The following PTK2 variants were observed in gnomAD, a reference collection of about 807,000 sequenced individuals.
PTK2 encodes the protein focal adhesion kinase 1.
PTK2 carries 45 observed loss-of-function variants against 150.1 expected under a neutral mutation model. The ratio of observed to expected loss-of-function variants is 0.30; its 90% CI spans 0.24 to 0.38. PTK2 has a LOEUF of 0.38. Ranked by LOEUF, PTK2 falls within the 10% of genes least tolerant of loss-of-function variation. PTK2 has a pLI of 1.00. For missense variants in PTK2, 919 were observed against 1,307.3 expected (o/e 0.70, Z 4.58); for synonymous variants, 432 against 449.2 (o/e 0.96, Z 0.48).
intron 2 of PTK2, among the ~76,000 whole-genome samples, chr8:140,920,282 T>C (rs186066099): frequency 2.6e-5 from 4 of 152,258 alleles, no homozygotes; most frequent in Admixed American, 2.6e-4. Context: ...TGCTATTATT[T>C]TATATTTACA....
At chr8:140,968,326 A>G (rs1404556147) in intron 1 of PTK2, among the ~76,000 whole-genome samples, 1 of 152,240 alleles carries the variant, frequency 6.6e-6, no homozygotes, top group Non-Finnish European at 1.5e-5. Context: ...AAATTCCCAC[A>G]GTAGAAATAA....
exon 17 of PTK2, chr8:140,752,314 C>G: frequency 6.2e-7 from 1 of 1,613,680 alleles, no homozygotes; most frequent in Non-Finnish European, 8.5e-7. Context: ...AAGCTGGATT[C>G]TCCTGTGTTA....
intron 22 of PTK2, among the ~76,000 whole-genome samples, chr8:140,725,099 T>TA (rs1448397788): frequency 7.9e-5 from 12 of 152,276 alleles, no homozygotes; most frequent in Admixed American, 7.2e-4. Flanking sequence ...AAATTATTTT[T>TA]AAAAAAACCC....
intron 1 of PTK2, among the ~76,000 whole-genome samples, chr8:140,955,409 C>T (rs929266627): frequency 6.6e-6 from 1 of 152,180 alleles, no homozygotes; most frequent in Non-Finnish European, 1.5e-5. Flanking sequence ...CGCTTTCTGC[C>T]ATGATTGTAA....
intron 5 of PTK2, among the ~76,000 whole-genome samples, chr8:140,851,526 T>C (rs543116400): frequency 6.6e-5 from 10 of 152,302 alleles, no homozygotes; most frequent in Non-Finnish European, 1.0e-4. Flanking sequence ...CTTTTTGTTG[T>C]CCATTTATAA....
At chr8:140,715,159 T>G (rs1374893290) in intron 23 of PTK2, among the ~76,000 whole-genome samples, 3 of 7,260 alleles carry the variant, frequency 4.1e-4, no homozygotes, top group Non-Finnish European at 1.2e-3. Context: ...AAAACCGTTT[T>G]TTTTTTTTTT....
At chr8:140,729,331 T>C (rs1038486772) in intron 22 of PTK2, among the ~76,000 whole-genome samples, 11 of 152,122 alleles carry the variant, frequency 7.2e-5, no homozygotes, top group Non-Finnish European at 1.5e-4. Context: ...CCCAGCAGGC[T>C]CTCTGGATGA....
intron 2 of PTK2, among the ~76,000 whole-genome samples, chr8:140,900,805 T>C (rs1319032785): frequency 6.6e-6 from 1 of 152,104 alleles, no homozygotes; most frequent in East Asian, 1.9e-4. Flanking sequence ...TTGGAAAAAT[T>C]AATATTGTTA....
At position 140,992,809 on chromosome 8, in the gene PTK2, T is replaced by A. The variant is rs574423305; in HGVS notation, c.-122+8316A>T. On this transcript the variant is annotated intron_variant, in intron 1 of 31. Coordinates refer to ENST00000522684, the Ensembl canonical transcript of PTK2. ...GAACTGTCACTTTCAAAATGTTTTA[T>A]CTGAACAGCAGCACAGCAGCAAAAG... Among the ~76,000 whole-genome samples the A allele has an allele frequency of 2.6e-5, 4 of 152,326 alleles. No individual in the cohort carries two copies. The South Asian group carries it at 6.2e-4, about 24-fold the overall frequency.
At chr8:140,921,547 AT>A (rs2100167454) in intron 2 of PTK2, among the ~76,000 whole-genome samples, 3 of 152,170 alleles carry the variant, frequency 2.0e-5, no homozygotes, top group Admixed American at 2.0e-4. Context: ...TTCCTGATCT[AT>A]CTATGTCTCT....
At chr8:140,676,786 A>AAAAAAAAAAAAC (rs1226141512) in intron 27 of PTK2, among the ~76,000 whole-genome samples, 1 of 147,346 alleles carries the variant, frequency 6.8e-6, no homozygotes. Flanking sequence ...AAAAAAAAAA[A>AAAAAAAAAAAAC]AAATAGCCAG....
intron 23 of PTK2, among the ~76,000 whole-genome samples, chr8:140,709,550 C>T (rs1370988173): frequency 6.6e-6 from 1 of 152,164 alleles, no homozygotes; most frequent in Non-Finnish European, 1.5e-5. Flanking sequence ...AGTTAGGGTG[C>T]TTCAGCTCTC....
At chr8:140,712,732 CAT>C (rs779530957) in intron 23 of PTK2, among the ~76,000 whole-genome samples, 3 of 152,202 alleles carry the variant, frequency 2.0e-5, no homozygotes, top group Non-Finnish European at 2.9e-5. Flanking sequence ...TAAAATATCA[CAT>C]GTTAATACCA....
chr8:140,777,670 TTTAAG>T lies in PTK2; in HGVS notation c.1177+11799_1177+11803del, dbSNP rs2100079229. On this transcript the variant is annotated intron_variant, in intron 14 of 31. Coordinates refer to ENST00000522684, the Ensembl canonical transcript of PTK2. ...TGTAGGTCACTGCAGTAATGGGTGCTTTAAGTTGTTTTTCAGGAAGTAGGGGGCAG... is the reference window on the plus strand; with the variant it reads ...TGTAGGTCACTGCAGTAATGGGTGCTTTGTTTTTCAGGAAGTAGGGGGCAG... Among the ~76,000 whole-genome samples the T allele has an allele frequency of 1.3e-5, 2 of 152,220 alleles. 1 individual carries two copies. The highest frequency in any genetic ancestry group is 4.8e-5 in the African/African-American group (2 of 41,462).
chr8:140,818,791 AT>A, intron 9 of PTK2, 88 bp downstream of exon 9: 6 of 1,404,488 alleles, frequency 4.3e-6, no homozygotes, highest in Non-Finnish European at 5.8e-6. Flanking sequence ...ACAAGTTAGC[AT>A]TTTTTCATCA....
intron 14 of PTK2, among the ~76,000 whole-genome samples, chr8:140,784,561 C>T (rs2100083767): frequency 6.6e-6 from 1 of 152,152 alleles, no homozygotes; most frequent in African/African-American, 2.4e-5. Flanking sequence ...TTTTAACCCA[C>T]ACAACCATTG....
intron 14 of PTK2, among the ~76,000 whole-genome samples, chr8:140,775,997 T>G (rs2100078192): frequency 6.6e-6 from 1 of 152,134 alleles, no homozygotes; most frequent in East Asian, 1.9e-4. Context: ...GGACAATCAA[T>G]AGTTTATTAT....
chr8:140,704,913 C>T (rs2100032799), intron 24 of PTK2, among the ~76,000 whole-genome samples: 1 of 152,122 alleles, frequency 6.6e-6, no homozygotes, highest in Admixed American at 6.5e-5. Context: ...AGTAGATGAA[C>T]ATTCAGTGCA....
chr8:140,803,129 C>T (rs2100096220), intron 11 of PTK2, among the ~76,000 whole-genome samples: 1 of 148,200 alleles, frequency 6.7e-6, no homozygotes, highest in Admixed American at 6.9e-5. Context: ...ATTCTTGTGC[C>T]TCAGCCTCGC....
Sources: allele counts gnomAD v4.1 joint callset (sites outside exome capture counted in the v4.1 genomes callset), GRCh38; gene constraint gnomAD v4.1.1; transcripts MANE v1.5; gene names NCBI Gene and HGNC (gene_info 2026-07-23, HGNC 2026-07-21).